Variants in ATXN7L2 observed in about 807,000 individuals in gnomAD.
ATXN7L2 encodes the protein ataxin-7-like protein 2.
Under a neutral mutation model 59.6 loss-of-function variants are expected in ATXN7L2, and 17 were observed. That is an observed-to-expected ratio of 0.29 (90% CI 0.20 to 0.43). ATXN7L2 has a LOEUF of 0.43. ATXN7L2 is among the 20% of genes least tolerant of loss of function. The probability of loss-of-function intolerance (pLI) is 1.00; values close to 1 mark genes in which losing one functional copy is unlikely to be tolerated. For missense variants in ATXN7L2, 858 were observed against 1,008.9 expected (o/e 0.85, Z 2.03); for synonymous variants, 378 against 392.5 (o/e 0.96, Z 0.44).
chr1:109,490,047 G>A lies in ATXN7L2; in HGVS notation c.1251G>A (p.Glu417=). The part of the protein sequence containing the change: ...PRGGTQASSE[E]SEEEGTSDDL... ...GTGGGACCCAGGCCTCCAGCGAAGA[G>A]AGTGAGGAGGAGGGGACATCTGACG... The change falls in exon 8 of 11, where the codon GAG becomes GAA. Residue 417 remains glutamate (E), a synonymous_variant. Transcript: ENST00000683729. 4 of 1,610,716 alleles carry A rather than the reference G, an allele frequency of 2.5e-6. No individual in the cohort carries two copies. The highest frequency in any genetic ancestry group is 2.2e-5 in the South Asian group (2 of 90,938).
Position 109,488,903 on chromosome 1 carries a change from G to A in ATXN7L2, c.936G>A (p.Val312=). The A allele has an allele frequency of 2.5e-6, 4 of 1,614,120 alleles. No individual in the cohort carries two copies. The South Asian group carries it at 4.4e-5, about 18-fold the overall frequency. ...EVQGRAKDFD[V]LVAELKANSR... ...AGGGCCGGGCCAAGGACTTTGACGT[G>A]CTGGTGGCAGAGCTGAAGGCCAACT... The change falls in exon 7 of 11, where the codon GTG becomes GTA. Residue 312 remains valine, a synonymous_variant. Transcript: ENST00000683729. This position sits in a 1 kb window ranked among gnomAD's most constrained non-coding sequence, Gnocchi z 5.0.
At chr1:109,485,623 C>G in intron 1 of ATXN7L2, 1 of 986,480 alleles carries the variant, frequency 1.0e-6, no homozygotes, top group Non-Finnish European at 1.2e-6. Context: ...AGAAGAGACT[C>G]AGGGACTTAT....
intron 9 of ATXN7L2, 38 bp downstream of exon 9, chr1:109,490,430 G>T: frequency 1.2e-6 from 2 of 1,603,604 alleles, no homozygotes; most frequent in Non-Finnish European, 1.7e-6. Flanking sequence ...TTCTAGAATG[G>T]AAATTCCTAG....
Position 109,486,440 on chromosome 1 carries a change from C to T in ATXN7L2, c.194-66C>T. The T allele has an allele frequency of 7.3e-7, 1 of 1,373,290 alleles. No homozygotes were observed. The highest frequency in any genetic ancestry group is 1.0e-6 in the Non-Finnish European group (1 of 978,332). The allele number at this position is 1,373,290 out of a possible 1,614,324, so 85.1% of individuals were successfully genotyped here. A position where few individuals can be genotyped will look rare whatever the true frequency, so the allele number is the denominator to read the frequency against. ...GCCTTCTGAGTGTGGGGTGGGAGTG[C>T]TCTCCGATCTTCCAGAGAAACCCTG... On this transcript the variant is annotated intron_variant, in intron 2 of 10. Coordinates refer to ENST00000683729, the MANE Select transcript of ATXN7L2 (RefSeq NM_001350175.2). This position sits in a 1 kb window ranked among gnomAD's most constrained non-coding sequence, Gnocchi z 4.3.
At chr1:109,490,431 A>C (rs773695854) in intron 9 of ATXN7L2, 39 bp downstream of exon 9, 3 of 1,603,782 alleles carry the variant, frequency 1.9e-6, no homozygotes, top group Non-Finnish European at 2.5e-6. Context: ...TCTAGAATGG[A>C]AATTCCTAGG....
Position 109,490,034 on chromosome 1 carries a change from C to A in ATXN7L2, c.1238C>A (p.Ala413Asp). 6.2e-7 allele frequency: 1 copy of A among 1,612,268 alleles called. No homozygotes were observed. Among genetic ancestry groups the A allele is most frequent in the Non-Finnish European group, 8.5e-7 (1 of 1,179,222 alleles). ...CCCATGCCCCGGGGTGGGACCCAGGCCTCCAGCGAAGAGAGTGAGGAGGAG... is the reference window on the plus strand; with the variant it reads ...CCCATGCCCCGGGGTGGGACCCAGGACTCCAGCGAAGAGAGTGAGGAGGAG... ...PFPMPRGGTQ[A>D]SSEESEEEGT... The change falls in exon 8 of 11, where the codon GCC becomes GAC. Residue 413 changes from alanine (A) to aspartate (D), a missense_variant. By Grantham distance (126) the Ala-to-Asp change is moderately radical (BLOSUM62 -2). Coordinates refer to ENST00000683729, the MANE Select transcript of ATXN7L2 (RefSeq NM_001350175.2).
At position 109,490,969 on chromosome 1, in the gene ATXN7L2, C is replaced by A; in HGVS notation, c.1502C>A (p.Pro501Gln). ...CCTCCAGCTCACCTTGTCAACTCCCCGTTATCTGCTCCCCTGAGCCCATCC... is the reference window on the plus strand; with the variant it reads ...CCTCCAGCTCACCTTGTCAACTCCCAGTTATCTGCTCCCCTGAGCCCATCC... ...AEPPAHLVNS[P>Q]LSAPLSPSST... The change falls in exon 10 of 11, where the codon CCG (proline) becomes CAG (glutamine). Residue 501 changes from proline (P) to glutamine (Q), a missense_variant. By Grantham distance (76) the Pro-to-Gln change is moderately conservative. Coordinates refer to ENST00000683729, the MANE Select transcript of ATXN7L2 (RefSeq NM_001350175.2). 6.3e-7 allele frequency: 1 copy of A among 1,593,932 alleles called. No individual in the cohort carries two copies. The highest frequency in any genetic ancestry group is 8.6e-7 in the Non-Finnish European group (1 of 1,168,678).
At position 109,491,730 on chromosome 1, in the gene ATXN7L2, C is replaced by A. The variant is rs898208433; in HGVS notation, c.2250+13C>A. 6.4e-7 allele frequency: 1 copy of A among 1,572,624 alleles called. No individual in the cohort carries two copies. The highest frequency in any genetic ancestry group is 1.8e-5 in the Admixed American group (1 of 55,920). On this transcript the variant is annotated intron_variant, in intron 10 of 10. Transcript: ENST00000683729. This position sits in a 1 kb window ranked among gnomAD's most constrained non-coding sequence, Gnocchi z 4.1. Reference sequence around the variant, plus strand: ...CTCTACACTGAAGGTACCAGCCAGGCTCCCTGAAGATTGATGAGGGTGGGG... The same window carrying A: ...CTCTACACTGAAGGTACCAGCCAGGATCCCTGAAGATTGATGAGGGTGGGG...
At position 109,487,123 on chromosome 1, in the gene ATXN7L2, C is replaced by A. The variant is rs749559056; in HGVS notation, c.415C>A (p.Pro139Thr). The A allele has an allele frequency of 1.6e-5, 26 of 1,611,300 alleles. No individual in the cohort carries two copies. The East Asian group carries it at 5.8e-4, about 36-fold the overall frequency. The change falls in exon 4 of 11, where the codon CCA (proline) becomes ACA (threonine). Residue 139 changes from proline (P) to threonine (T), a missense_variant. Around this residue, in one of 3 missense-constraint regions of ATXN7L2, gnomAD observed 734 missense variants for 862.3 expected, o/e 0.85. Coordinates refer to ENST00000683729, the MANE Select transcript of ATXN7L2 (RefSeq NM_001350175.2). ...VNGQGPACRA[P>T]GSTKTSSREK... The stretch of plus-strand genomic sequence containing the variant: ...TGGGCAGGGCCCAGCTTGTAGGGCC[C>A]CAGGTTCCACGAAAACCTCCTCCAG...
Position 109,491,769 on chromosome 1 carries a change from C to T in ATXN7L2, c.2250+52C>T. On this transcript the variant is annotated intron_variant, in intron 10 of 10. Transcript: ENST00000683729. This position sits in a 1 kb window ranked among gnomAD's most constrained non-coding sequence, Gnocchi z 4.1. ...ATGAGGGTGGGGCACACAGGGGGTA[C>T]CTGATACAGAGAAGATGCTACATTG... The T allele has an allele frequency of 2.0e-6, 3 of 1,489,120 alleles. No individual in the cohort carries two copies. The highest frequency in any genetic ancestry group is 2.7e-6 in the Non-Finnish European group (3 of 1,113,426). The allele number at this position is 1,489,120 out of a possible 1,614,324, so 92.2% of individuals were successfully genotyped here.
At chr1:109,492,076 G>A in intron 10 of ATXN7L2, 1 of 1,087,536 alleles carries the variant, frequency 9.2e-7, no homozygotes. Context: ...TGAGTCCCTG[G>A]GTCACAGCCT....
Position 109,487,189 on chromosome 1 carries a change from C to T in ATXN7L2, c.481C>T (p.Pro161Ser). ...QGSRSRGHQP[P>S]EKTQKDNLCL... ...GTCCCGGAGCCGTGGCCACCAGCCT[C>T]CTGAGAAGACCCAGAAGGACAACCT... Residue 161 changes from proline to serine, a missense_variant, in exon 4 of 11, where the codon CCT (proline) becomes TCT (serine). Pro to Ser is a moderately conservative substitution (Grantham distance 74, BLOSUM62 -1). Coordinates refer to ENST00000683729, the MANE Select transcript of ATXN7L2 (RefSeq NM_001350175.2). 6.3e-7 allele frequency: 1 copy of T among 1,580,834 alleles called. No homozygotes were observed. The highest frequency in any genetic ancestry group is 1.3e-5 in the African/African-American group (1 of 74,086).
chr1:109,490,248 A>G (rs746552397), intron 8 of ATXN7L2, 23 bp from the exon 9 acceptor site: 3 of 1,612,656 alleles, frequency 1.9e-6, no homozygotes, highest in South Asian at 1.1e-5. Flanking sequence ...CCTGCCAACC[A>G]TGCACCTTCC....
In ATXN7L2 at chr1:109,487,032, G is replaced by A. The variant is rs1423023190; in HGVS notation, c.324G>A (p.Lys108=). Residue 108 remains lysine, a synonymous_variant, in exon 4 of 11, where the codon AAG becomes AAA. Coordinates refer to ENST00000683729, the MANE Select transcript of ATXN7L2 (RefSeq NM_001350175.2). Reference sequence around the variant, plus strand: ...AAAGAAGACATGGGCCCCTCAGCAAGCTTTATGGCCGGGCCCCACCCCCAC... The same window carrying A: ...AAAGAAGACATGGGCCCCTCAGCAAACTTTATGGCCGGGCCCCACCCCCAC... ...HCERRHGPLS[K]LYGRAPPPPP... 6.2e-7 allele frequency: 1 copy of A among 1,604,736 alleles called. No individual in the cohort carries two copies. The highest frequency in any genetic ancestry group is 8.5e-7 in the Non-Finnish European group (1 of 1,176,128).
chr1:109,492,618 A>G lies in ATXN7L2; in HGVS notation c.*18A>G, dbSNP rs141840795. The G allele has an allele frequency of 6.4e-4, 1,035 of 1,612,996 alleles. 7 individuals carry two copies. The African/African-American group carries it at 0.013, about 20-fold the overall frequency. ...CCCATTAACGAGAAAGTGCCTGCCC[A>G]CTGCAACGGAGCCGCCAGCACCTCC... On this transcript the variant is annotated 3_prime_UTR_variant, in exon 11 of 11. Transcript: ENST00000683729.
chr1:109,486,620 GCC>G lies in ATXN7L2; in HGVS notation c.298+12_298+13del, dbSNP rs1197844157. 6.2e-7 allele frequency: 1 copy of G among 1,607,702 alleles called. No homozygotes were observed. Among genetic ancestry groups the G allele is most frequent in the Non-Finnish European group, 8.5e-7 (1 of 1,174,428 alleles). On this transcript the variant is annotated intron_variant, in intron 3 of 10. Coordinates refer to ENST00000683729, the MANE Select transcript of ATXN7L2 (RefSeq NM_001350175.2). This position sits in a 1 kb window ranked among gnomAD's most constrained non-coding sequence, Gnocchi z 4.3. ...TTCCAGAAGCACTGCGGTGAGGGGA[GCC>G]CTAGGGAGGAGATAAAGGGACAGGG...
At chr1:109,485,223 T>C (rs1391130391) in intron 1 of ATXN7L2, 1 of 947,028 alleles carries the variant, frequency 1.1e-6, no homozygotes, top group East Asian at 1.3e-4. Flanking sequence ...GATTTTTTTT[T>C]TCCCAAGGGA....
Position 109,489,945 on chromosome 1 carries a change from C to T in ATXN7L2, c.1149C>T (p.Ser383=), listed in dbSNP as rs779480797. ...GCCCTTCCAGGTCCCGGGCCTCCTC[C>T]GAGAGTGAATTGGATGATGAAGGCC... The part of the protein sequence containing the change: ...YCALPRSRAS[S]ESELDDEGPC... Residue 383 remains serine, a synonymous_variant, in exon 8 of 11, where the codon TCC becomes TCT. Transcript: ENST00000683729. 31 of 1,613,532 alleles carry T rather than the reference C, an allele frequency of 1.9e-5. No homozygotes were observed. The highest frequency in any genetic ancestry group is 6.7e-5 in the African/African-American group (5 of 74,866).
intron 9 of ATXN7L2, 39 bp from the exon 10 acceptor site, chr1:109,490,883 T>C: frequency 2.0e-6 from 3 of 1,526,484 alleles, no homozygotes; most frequent in Non-Finnish European, 2.6e-6. Flanking sequence ...AGCTGTCTTG[T>C]TTCTTGGCAG....
Sources: gnomAD v4.1 joint callset for allele counts on GRCh38, gnomAD v4.1.1 for gene constraint, gnomAD v4.1.1 regional missense constraint, Gnocchi (gnomAD v3.1) non-coding constraint, MANE v1.5 for transcripts, NCBI Gene and HGNC (gene_info 2026-07-23, HGNC 2026-07-21) for gene names.